The following ZNF418 variants were observed in gnomAD, a reference collection of about 807,000 sequenced individuals.
ZNF418 encodes zinc finger protein 418.
In ZNF418, 32 loss-of-function variants were observed where a neutral mutation model predicts 32.0. That is an observed-to-expected ratio of 1.00 (90% CI 0.75 to 1.34). The LOEUF is 1.34. ZNF418 is among the 40% of genes most tolerant of loss of function. The probability of loss-of-function intolerance (pLI) is 0.00; values close to 1 mark genes in which losing one functional copy is unlikely to be tolerated. For missense variants in ZNF418, 804 were observed against 812.5 expected (o/e 0.99, Z 0.13); for synonymous variants, 276 against 270.7 (o/e 1.02, Z -0.19).
chr19:57,934,850 G>A (rs2072630694), intron 1 of ZNF418: 2 of 367,680 alleles, frequency 5.4e-6, no homozygotes, highest in East Asian at 1.2e-4. Flanking sequence ...CGTCTTCACA[G>A]CGAATACACA....
chr19:57,927,186 T>C lies in ZNF418; in HGVS notation c.995A>G (p.His332Arg), dbSNP rs1341043710. 1.2e-6 allele frequency: 2 copies of C among 1,614,122 alleles called. No individual in the cohort carries two copies. Among genetic ancestry groups the C allele is most frequent in the East Asian group, 2.2e-5 (1 of 44,894 alleles). The change falls in exon 4 of 6, where the codon CAT (histidine) becomes CGT (arginine). Residue 332 changes from histidine (H) to arginine (R), a missense_variant. Transcript: ENST00000396147. ...TCTTTCTCCAGTGTGAACTCGTTGA[T>C]GTTTAATGAGAGTACCATTTTGACT... ...SFSQNGTLIK[H>R]QRVHTGERPY...
rs1433663468 is a variant in ZNF418, at chr19:57,926,611, A to C, written c.1570T>G (p.Ser524Ala). The C allele has an allele frequency of 4.3e-6, 7 of 1,613,478 alleles. No individual in the cohort carries two copies. The highest frequency in any genetic ancestry group is 5.9e-6 in the Non-Finnish European group (7 of 1,179,850). ...ECGKSFPQSC[S>A]LLRHRRVHTG... Reference sequence around the variant, plus strand: ...TGAACTCTCCGATGTCGAAGGAGGGAACAGCTTTGAGGAAATGACTTCCCA... The same window carrying C: ...TGAACTCTCCGATGTCGAAGGAGGGCACAGCTTTGAGGAAATGACTTCCCA... The change falls in exon 4 of 6, where the codon TCC becomes GCC. Residue 524 changes from serine to alanine, a missense_variant. Ser to Ala is a moderately conservative substitution (Grantham distance 99, BLOSUM62 1). This residue lies in a region of ZNF418 where 475 missense variants were observed against 458.6 expected (regional missense o/e 1.04). Transcript: ENST00000396147.
At chr19:57,925,227 A>C (rs10419185) in intron 4 of ZNF418, among the ~76,000 whole-genome samples, 1 of 151,956 alleles carries the variant, frequency 6.6e-6, no homozygotes, top group South Asian at 2.1e-4. Context: ...TTGGGAGGCC[A>C]AGGAGGGCAG....
At chr19:57,933,435 G>A (rs2072560100) in intron 2 of ZNF418, among the ~76,000 whole-genome samples, 3 of 151,946 alleles carry the variant, frequency 2.0e-5, no homozygotes, top group Non-Finnish European at 4.4e-5. Context: ...AAAATTAGCC[G>A]GGCATGGCCG....
chr19:57,924,716 A>G (rs907539878), intron 4 of ZNF418, among the ~76,000 whole-genome samples: 1 of 152,220 alleles, frequency 6.6e-6, no homozygotes, highest in African/African-American at 2.4e-5. Context: ...GATTTCCCTC[A>G]GCAGTACTGA....
chr19:57,928,123 C>G (rs1568547843), intron 3 of ZNF418, 76 bp from the exon 4 acceptor site: 1 of 1,257,296 alleles, frequency 8.0e-7, no homozygotes, highest in African/African-American at 1.5e-5. Flanking sequence ...GCGTGTCTGA[C>G]AAACCAAGGA....
At position 57,927,772 on chromosome 19, in the gene ZNF418, AG is replaced by A; in HGVS notation, c.408del (p.Tyr137IlefsTer11). 2 of 1,614,210 alleles carry A rather than the reference AG, an allele frequency of 1.2e-6. No homozygotes were observed. Among genetic ancestry groups the A allele is most frequent in the Non-Finnish European group, 1.7e-6 (2 of 1,180,044 alleles). ...AATGCTTCCTCAACACTGCTTCTAT[AG>A]GGTTTCTCTCCAAGGTACTGATTCT... is the stretch of plus-strand genomic sequence containing the variant. ...PHQNQYLGEK[P>X]YRSSVEEALF... On this transcript the variant is annotated frameshift_variant, in exon 4 of 6. Coordinates refer to ENST00000396147, the MANE Select transcript of ZNF418 (RefSeq NM_133460.3). LOFTEE classifies it high-confidence loss of function.
intron 4 of ZNF418, 55 bp from the exon 5 acceptor site, chr19:57,923,344 T>C (rs2122621851): frequency 6.6e-6 from 1 of 151,940 alleles, no homozygotes; most frequent in Admixed American, 6.6e-5. Context: ...TTCTAATTCA[T>C]TGCAGACGGG....
chr19:57,930,433 G>A lies in ZNF418; in HGVS notation c.128C>T (p.Ser43Phe). Residue 43 changes from serine (S) to phenylalanine (F), a missense_variant, in exon 3 of 6, where the codon TCC (serine) becomes TTC (phenylalanine). This residue lies in a region of ZNF418 where 307 missense variants were observed against 304.9 expected (regional missense o/e 1.01). Transcript: ENST00000396147. ...VMLENWVLIS[S>F]LGCWCGSEDE... ...GTAGGGTGTGAGGAACTTACCCAGG[G>A]AGGATATAAGTACCCAGTTCTCCAG... is the stretch of plus-strand genomic sequence containing the variant. The A allele has an allele frequency of 7.4e-6, 12 of 1,614,098 alleles. No individual in the cohort carries two copies. The highest frequency in any genetic ancestry group is 1.0e-5 in the Non-Finnish European group (12 of 1,180,006).
At position 57,934,081 on chromosome 19, in the gene ZNF418, GGAT is replaced by G. The variant is rs1288130407; in HGVS notation, c.-80-182_-80-180del. ...CCATACATCCTGTGTCATGGACTTAGGATTCTGGGTTTAGGGTTTCTCCAGTGT... is the reference window on the plus strand; with the variant it reads ...CCATACATCCTGTGTCATGGACTTAGTCTGGGTTTAGGGTTTCTCCAGTGT... On this transcript the variant is annotated intron_variant, in intron 1 of 5. Transcript: ENST00000396147. The G allele has an allele frequency of 1.5e-5, 21 of 1,414,098 alleles. No individual in the cohort carries two copies. In the Admixed American group the frequency reaches 6.1e-4, roughly 41 times the overall value. 87.6% of individuals were successfully genotyped at this position (1,414,098 alleles called of 1,614,324 possible). A position where few individuals can be genotyped will look rare whatever the true frequency, so the allele number is the denominator to read the frequency against.
Position 57,926,757 on chromosome 19 carries a change from ACT to A in ZNF418, c.1422_1423del (p.Arg474SerfsTer9), listed in dbSNP as rs1442023694. 1 of 1,613,740 alleles carries A rather than the reference ACT, an allele frequency of 6.2e-7. No homozygotes were observed. The highest frequency in any genetic ancestry group is 8.5e-7 in the Non-Finnish European group (1 of 1,179,948). ...TTCATATGGCCTTTCTCCAGTGTGA[ACT>A]CTCTGGTGTTCAATGAGGTGGGACT... On this transcript the variant is annotated frameshift_variant, in exon 4 of 6. Transcript: ENST00000396147. LOFTEE classifies it low-confidence loss of function (END_TRUNC).
In ZNF418 at chr19:57,926,521, G is replaced by A; in HGVS notation, c.1660C>T (p.Leu554Phe). ...GKSFHQSSSL[L>F]RHQKTHTAER... ...GCAGTGTGAGTTTTCTGATGTCGAA[G>A]GAGGGAAGAGCTCTGATGAAATGAC... The change falls in exon 4 of 6, where the codon CTT (leucine) becomes TTT (phenylalanine). Residue 554 changes from leucine to phenylalanine, a missense_variant. This residue lies in a region of ZNF418 where 475 missense variants were observed against 458.6 expected (regional missense o/e 1.04). Coordinates refer to ENST00000396147, the MANE Select transcript of ZNF418 (RefSeq NM_133460.3). The A allele has an allele frequency of 6.2e-7, 1 of 1,613,758 alleles. No homozygotes were observed. Among genetic ancestry groups the A allele is most frequent in the Non-Finnish European group, 8.5e-7 (1 of 1,179,960 alleles).
chr19:57,932,423 A>G, intron 2 of ZNF418: 1 of 1,535,206 alleles, frequency 6.5e-7, no homozygotes, highest in Non-Finnish European at 8.7e-7. Context: ...ACAGGATCCA[A>G]TATTACCACA....
At chr19:57,925,509 G>C (rs974924293) in intron 4 of ZNF418, 114 bp downstream of exon 4, 1 of 152,154 alleles carries the variant, frequency 6.6e-6, no homozygotes, top group South Asian at 2.1e-4. Flanking sequence ...CCCTGAAAAA[G>C]GTAGTCCATC....
chr19:57,929,244 A>G (rs2072381573), intron 3 of ZNF418, among the ~76,000 whole-genome samples: 2 of 152,244 alleles, frequency 1.3e-5, no homozygotes, highest in South Asian at 4.1e-4. Flanking sequence ...ACTGGCCACA[A>G]AAATACTAGT....
Position 57,934,089 on chromosome 19 carries a change from G to T in ZNF418, c.-80-187C>A, listed in dbSNP as rs540631015. On this transcript the variant is annotated intron_variant, in intron 1 of 5. Coordinates refer to ENST00000396147, the MANE Select transcript of ZNF418 (RefSeq NM_133460.3). ...CCTGTGTCATGGACTTAGGATTCTG[G>T]GTTTAGGGTTTCTCCAGTGTTCTCA... 8.6e-4 allele frequency: 1,211 copies of T among 1,403,214 alleles called. 1 individual carries two copies. The highest frequency in any genetic ancestry group is 1.1e-3 in the Non-Finnish European group (1,157 of 1,080,232). 86.9% of individuals were successfully genotyped at this position (1,403,214 alleles called of 1,614,324 possible).
chr19:57,930,910 G>T (rs1292407450), intron 2 of ZNF418, among the ~76,000 whole-genome samples: 1 of 152,042 alleles, frequency 6.6e-6, no homozygotes, highest in African/African-American at 2.4e-5. Context: ...CCGAGTAGCT[G>T]GGATTACAGG....
chr19:57,929,214 A>C (rs2072380396), intron 3 of ZNF418, among the ~76,000 whole-genome samples: 1 of 152,204 alleles, frequency 6.6e-6, no homozygotes, highest in Admixed American at 6.5e-5. Context: ...AATGGAAAGG[A>C]AAAGACAGAA....
chr19:57,934,038 A>G, intron 1 of ZNF418, 136 bp from the exon 2 acceptor site: 1 of 1,463,416 alleles, frequency 6.8e-7, no homozygotes, highest in South Asian at 1.4e-5. Context: ...ACATGGGTTG[A>G]CAGAAATGGG....
Sources: gnomAD v4.1 joint callset for allele counts (sites outside exome capture counted in the v4.1 genomes callset) on GRCh38, gnomAD v4.1.1 for gene constraint, gnomAD v4.1.1 regional missense constraint, MANE v1.5 for transcripts, NCBI Gene and HGNC (gene_info 2026-07-23, HGNC 2026-07-21) for gene names.